The following SNTN variants were observed in gnomAD, a reference collection of about 807,000 sequenced individuals.
SNTN encodes the protein sentan, cilia apical structure protein, also known as sentan.
In SNTN, 13 loss-of-function variants were observed where a neutral mutation model predicts 12.3. That is an observed-to-expected ratio of 1.05 (90% CI 0.69 to 1.67). The LOEUF (loss-of-function observed/expected upper bound fraction) is 1.67. Ranked by LOEUF, SNTN falls within the 40% of genes most tolerant of loss-of-function variation. The pLI is 0.00. For synonymous variants in SNTN, 69 were observed against 58.5 expected (o/e 1.18, Z -0.82); for missense variants, 189 against 169.8 (o/e 1.11, Z -0.63).
At position 63,663,923 on chromosome 3, in the gene SNTN, C is replaced by T. The variant is rs1700771061; in HGVS notation, c.286-14C>T. 5.0e-6 allele frequency: 8 copies of T among 1,607,048 alleles called. No individual in the cohort carries two copies. The highest frequency in any genetic ancestry group is 6.8e-6 in the Non-Finnish European group (8 of 1,177,546). ...TATACAACGAATTCGGTTTTTATTT[C>T]TCCATTCTCACAGGGACAAGAAACC... On this transcript the variant is annotated splice_polypyrimidine_tract_variant and intron_variant, in intron 3 of 3. Coordinates refer to ENST00000343837, the MANE Select transcript of SNTN (RefSeq NM_001080537.2).
chr3:63,659,213 C>T (rs1320748024), intron 2 of SNTN, among the ~76,000 whole-genome samples: 1 of 152,150 alleles, frequency 6.6e-6, no homozygotes, highest in Non-Finnish European at 1.5e-5. Flanking sequence ...TGTTTTAGGC[C>T]ACGAGTCAAA....
At chr3:63,659,362 C>T (rs1273642244) in intron 2 of SNTN, among the ~76,000 whole-genome samples, 1 of 152,170 alleles carries the variant, frequency 6.6e-6, no homozygotes, top group African/African-American at 2.4e-5. Flanking sequence ...TCGGTGATTC[C>T]TAATATCAAG....
chr3:63,655,260 T>C (rs1389987729), intron 2 of SNTN, among the ~76,000 whole-genome samples: 1 of 152,092 alleles, frequency 6.6e-6, no homozygotes, highest in Non-Finnish European at 1.5e-5. Context: ...ATAGGTAAAA[T>C]AAGTTTGGGA....
At position 63,659,748 on chromosome 3, in the gene SNTN, GA is replaced by G. The variant is rs1700721309; in HGVS notation, c.174del (p.Ala59LeufsTer7). 1.2e-6 allele frequency: 2 copies of G among 1,613,890 alleles called. No homozygotes were observed. The highest frequency in any genetic ancestry group is 1.7e-6 in the Non-Finnish European group (2 of 1,179,886). On this transcript the variant is annotated frameshift_variant, in exon 3 of 4. Coordinates refer to ENST00000343837, the MANE Select transcript of SNTN (RefSeq NM_001080537.2). LOFTEE classifies it high-confidence loss of function. The stretch of plus-strand genomic sequence containing the variant: ...AGCTCTGAGGAAGTGCTCAGATCTG[GA>G]AAAAGCTATTGCCACCACTGCTCTG... The part of the protein sequence containing the change: ...VKALRKCSDL[E>X]KAIATTALIF...
intron 3 of SNTN, 67 bp from the exon 4 acceptor site, chr3:63,663,870 A>G: frequency 6.5e-7 from 1 of 1,529,294 alleles, no homozygotes; most frequent in Non-Finnish European, 9.0e-7. Context: ...CTAAGACATT[A>G]TTGTTTATGA....
intron 2 of SNTN, 50 bp downstream of exon 2, chr3:63,654,846 C>A: frequency 2.0e-6 from 3 of 1,533,296 alleles, no homozygotes; most frequent in Non-Finnish European, 2.7e-6. Context: ...ACCAAGATGG[C>A]ATGCCAAGTG....
chr3:63,662,952 TCTGA>T (rs970485298), intron 3 of SNTN, among the ~76,000 whole-genome samples: 195 of 152,350 alleles, frequency 1.3e-3, no homozygotes, highest in African/African-American at 4.1e-3. Flanking sequence ...TTTCCTTCAA[TCTGA>T]CTATTTATGA....
intron 3 of SNTN, among the ~76,000 whole-genome samples, chr3:63,660,831 G>T (rs948022475): frequency 2.0e-5 from 3 of 152,168 alleles, no homozygotes; most frequent in East Asian, 1.9e-4. Flanking sequence ...TGAGTTCAAA[G>T]GTGAGAATAG....
At position 63,659,758 on chromosome 3, in the gene SNTN, T is replaced by C. The variant is rs377549223; in HGVS notation, c.179T>C (p.Ile60Thr). ...AAGTGCTCAGATCTGGAAAAAGCTA[T>C]TGCCACCACTGCTCTGATTTTCAGA... is the stretch of plus-strand genomic sequence containing the variant. Reference protein sequence around the residue: ...LRKCSDLEKAIATTALIFRNS... With the variant: ...LRKCSDLEKATATTALIFRNS... The change falls in exon 3 of 4, where the codon ATT (isoleucine) becomes ACT (threonine). Residue 60 changes from isoleucine (I) to threonine (T), a missense_variant. Ile to Thr is a moderately conservative substitution (Grantham distance 89). Transcript: ENST00000343837. The C allele has an allele frequency of 1.2e-6, 2 of 1,614,012 alleles. No homozygotes were observed. The highest frequency in any genetic ancestry group is 1.1e-5 in the South Asian group (1 of 91,074).
intron 3 of SNTN, chr3:63,663,654 C>T (rs1228246023): frequency 2.2e-6 from 1 of 461,630 alleles, no homozygotes; most frequent in African/African-American, 2.0e-5. Context: ...CCTCCCTCCT[C>T]CTCTTGCCCC....
At position 63,659,624 on chromosome 3, in the gene SNTN, T is replaced by A. The variant is rs1700719163; in HGVS notation, c.146-101T>A. Reference sequence around the variant, plus strand: ...CAGATAGGAGGCAAAGGGCCAAGATTTAGAAGGTTCCCTACAGTTCCCTTG... The same window carrying A: ...CAGATAGGAGGCAAAGGGCCAAGATATAGAAGGTTCCCTACAGTTCCCTTG... On this transcript the variant is annotated intron_variant, in intron 2 of 3. Coordinates refer to ENST00000343837, the MANE Select transcript of SNTN (RefSeq NM_001080537.2). 28 of 1,408,920 alleles carry A rather than the reference T, an allele frequency of 2.0e-5. 1 individual carries two copies. In the South Asian group the frequency reaches 2.9e-4, roughly 15 times the overall value. 87.3% of individuals were successfully genotyped at this position (1,408,920 alleles called of 1,614,324 possible). A position where few individuals can be genotyped will look rare whatever the true frequency, so the allele number is the denominator to read the frequency against.
intron 3 of SNTN, among the ~76,000 whole-genome samples, chr3:63,663,204 G>A (rs1482539018): frequency 6.6e-6 from 1 of 152,180 alleles, no homozygotes; most frequent in Non-Finnish European, 1.5e-5. Flanking sequence ...GCTGTCAAGA[G>A]GTAGATGGGC....
At chr3:63,659,526 C>T (rs560922190) in intron 2 of SNTN, among the ~76,000 whole-genome samples, 199 bp from the exon 3 acceptor site, 1 of 151,988 alleles carries the variant, frequency 6.6e-6, no homozygotes, top group Non-Finnish European at 1.5e-5. Context: ...TCTACTAATT[C>T]TAATTGCTAT....
chr3:63,663,570 T>C, intron 3 of SNTN: 1 of 202,392 alleles, frequency 4.9e-6, no homozygotes, highest in Non-Finnish European at 1.0e-5. Flanking sequence ...ATGAATGCCC[T>C]GCCTTGGGGG....
chr3:63,653,327 A>G (rs1422134600), intron 1 of SNTN, among the ~76,000 whole-genome samples: 1 of 152,120 alleles, frequency 6.6e-6, no homozygotes, highest in East Asian at 1.9e-4. Flanking sequence ...CTTCTCAATC[A>G]TGGCAATAGA....
In SNTN at chr3:63,664,906, C is replaced by T. The variant is rs979867687; in HGVS notation, c.*811C>T. On this transcript the variant is annotated 3_prime_UTR_variant, in exon 4 of 4. Transcript: ENST00000343837. Reference sequence around the variant, plus strand: ...TAGCTGGGATTACAGGCGTGTGCCACGATGCCAGGCTAATTTTTTTTGTAT... The same window carrying T: ...TAGCTGGGATTACAGGCGTGTGCCATGATGCCAGGCTAATTTTTTTTGTAT... Among the ~76,000 whole-genome samples the T allele has an allele frequency of 9.2e-5, 14 of 152,234 alleles. No individual in the cohort carries two copies. Among genetic ancestry groups the T allele is most frequent in the East Asian group, 1.9e-4 (1 of 5,170 alleles).
Position 63,654,800 on chromosome 3 carries a change from A to T in SNTN, c.145+4A>T. 6.2e-7 allele frequency: 1 copy of T among 1,612,862 alleles called. No individual in the cohort carries two copies. The highest frequency in any genetic ancestry group is 8.5e-7 in the Non-Finnish European group (1 of 1,179,296). On this transcript the variant is annotated splice_donor_region_variant and intron_variant, in intron 2 of 3. Transcript: ENST00000343837. ...AAACAACTGGCTTCAGTGAAAGGTA[A>T]GGCACAGATGACGCAGATGTACATT...
chr3:63,664,173 T>G lies in SNTN; in HGVS notation c.*78T>G, dbSNP rs1700776254. The stretch of plus-strand genomic sequence containing the variant: ...TGTTTCCATCTTATTTTTGATTAAT[T>G]GAATATATCTATCATGCATCTGAAA... On this transcript the variant is annotated 3_prime_UTR_variant, in exon 4 of 4. Transcript: ENST00000343837. The G allele has an allele frequency of 1.5e-6, 2 of 1,353,398 alleles. No individual in the cohort carries two copies. Among genetic ancestry groups the G allele is most frequent in the Non-Finnish European group, 2.0e-6 (2 of 1,004,844 alleles). The allele number at this position is 1,353,398 out of a possible 1,614,324, so 83.8% of individuals were successfully genotyped here. A position where few individuals can be genotyped will look rare whatever the true frequency, so the allele number is the denominator to read the frequency against.
At chr3:63,663,869 T>C in intron 3 of SNTN, 68 bp from the exon 4 acceptor site, 1 of 1,533,122 alleles carries the variant, frequency 6.5e-7, no homozygotes, top group Non-Finnish European at 9.0e-7. Flanking sequence ...ACTAAGACAT[T>C]ATTGTTTATG....
Sources: gnomAD v4.1 joint callset for allele counts (sites outside exome capture counted in the v4.1 genomes callset) on GRCh38, gnomAD v4.1.1 for gene constraint, MANE v1.5 for transcripts, NCBI Gene and HGNC (gene_info 2026-07-23, HGNC 2026-07-21) for gene names.